Variants in PLEKHF1 observed in about 807,000 individuals in gnomAD.
PLEKHF1 encodes the protein pleckstrin homology domain-containing family F member 1.
PLEKHF1 carries 1 observed loss-of-function variant against 4.1 expected under a neutral mutation model. The ratio of observed to expected loss-of-function variants is 0.24; its 90% CI spans 0.09 to 1.15. The LOEUF is 1.15. Among genes scored for constraint, PLEKHF1 ranks in the 50% most tolerant of loss-of-function variants. The pLI, the probability that PLEKHF1 is intolerant of heterozygous loss-of-function variation, is 0.52. For missense variants in PLEKHF1, 429 were observed against 400.6 expected, an observed-to-expected ratio of 1.07 and a Z score of -0.60; for synonymous variants, 182 against 178.5, an observed-to-expected ratio of 1.02 and a Z score of -0.16.
intron 1 of PLEKHF1, chr19:29,666,825 G>A (rs1317166209): frequency 2.0e-5 from 3 of 152,274 alleles, no homozygotes; most frequent in Non-Finnish European, 4.4e-5. Flanking sequence ...TGAGCTCTAA[G>A]TGCTCAGTCG....
intron 1 of PLEKHF1, chr19:29,665,832 C>T (rs928913026): frequency 2.9e-5 from 30 of 1,030,078 alleles, no homozygotes; most frequent in Non-Finnish European, 3.2e-5. Flanking sequence ...CTGCAGGGGT[C>T]TCAGCGCACC....
At chr19:29,670,730 C>T (rs550320990) in intron 1 of PLEKHF1, among the ~76,000 whole-genome samples, 70 of 151,690 alleles carry the variant, frequency 4.6e-4, no homozygotes, top group African/African-American at 1.7e-3. Flanking sequence ...CAGGCTGGAG[C>T]ACAGTGGCGC....
chr19:29,674,815 T>G lies in PLEKHF1; in HGVS notation c.*136T>G. On this transcript the variant is annotated 3_prime_UTR_variant, in exon 2 of 2. Coordinates refer to ENST00000436066, the MANE Select transcript of PLEKHF1 (RefSeq NM_024310.5). ...TGCAGCGGTGGGGAGTGGCTCTTTC[T>G]GGACTCCCAGTGCCTTTTTGCTGGA... 1 of 1,315,902 alleles carries G rather than the reference T, an allele frequency of 7.6e-7. No individual in the cohort carries two copies. The highest frequency in any genetic ancestry group is 1.0e-6 in the Non-Finnish European group (1 of 980,532). 81.5% of individuals were successfully genotyped at this position (1,315,902 alleles called of 1,614,324 possible). A position where few individuals can be genotyped will look rare whatever the true frequency, so the allele number is the denominator to read the frequency against.
rs1337501790 is a variant in PLEKHF1 at position 29,674,126 on chromosome 19, C to T, written c.287C>T (p.Ala96Val). 2.5e-6 allele frequency: 4 copies of T among 1,613,914 alleles called. No individual in the cohort carries two copies. The Middle Eastern group carries it at 4.9e-4, about 200-fold the overall frequency. Reference sequence around the variant, plus strand: ...GAGCTGTTGCCGGAGACGCTGCAGGCCAAGAACCGCTGGATGATCAAGACG... The same window carrying T: ...GAGCTGTTGCCGGAGACGCTGCAGGTCAAGAACCGCTGGATGATCAAGACG... ...TLELLPETLQAKNRWMIKTAK... is the reference protein window; with the variant it reads ...TLELLPETLQVKNRWMIKTAK... The change falls in exon 2 of 2, where the codon GCC (alanine) becomes GTC (valine). Residue 96 changes from alanine (A) to valine (V), a missense_variant. By Grantham distance (64) the Ala-to-Val change is moderately conservative (BLOSUM62 0). Coordinates refer to ENST00000436066, the MANE Select transcript of PLEKHF1 (RefSeq NM_024310.5).
chr19:29,673,954 G>A lies in PLEKHF1; in HGVS notation c.115G>A (p.Glu39Lys). The A allele has an allele frequency of 1.9e-6, 3 of 1,613,860 alleles. No individual in the cohort carries two copies. The highest frequency in any genetic ancestry group is 2.5e-6 in the Non-Finnish European group (3 of 1,179,952). ...LALPGRVLLG[E>K]GVLTKECRKK... ...GCTGCCAGGCCGAGTGCTGCTGGGC[G>A]AGGGCGTGCTGACCAAAGAGTGCCG... The change falls in exon 2 of 2, where the codon GAG becomes AAG. Residue 39 changes from glutamate to lysine, a missense_variant. Glu to Lys is a moderately conservative substitution (Grantham distance 56). Coordinates refer to ENST00000436066, the MANE Select transcript of PLEKHF1 (RefSeq NM_024310.5).
intron 1 of PLEKHF1, among the ~76,000 whole-genome samples, chr19:29,669,613 C>T (rs1459174837): frequency 6.6e-6 from 1 of 152,242 alleles, no homozygotes; most frequent in Non-Finnish European, 1.5e-5. Context: ...AATCCAGACA[C>T]TGGCCTGTAA....
chr19:29,670,620 T>C (rs1156249410), intron 1 of PLEKHF1, among the ~76,000 whole-genome samples: 1 of 152,216 alleles, frequency 6.6e-6, no homozygotes, highest in Non-Finnish European at 1.5e-5. Flanking sequence ...AGTCCCTGCT[T>C]TCAGTCTGGA....
chr19:29,671,869 C>T lies in PLEKHF1; in HGVS notation c.-16-1955C>T, dbSNP rs1375931777. ...GTGATCAGCTCAGCCCCAGGCGTGCCGTGTGTACCGGAATGCATGTGTGCA... is the reference window on the plus strand; with the variant it reads ...GTGATCAGCTCAGCCCCAGGCGTGCTGTGTGTACCGGAATGCATGTGTGCA... On this transcript the variant is annotated intron_variant, in intron 1 of 1. Transcript: ENST00000436066. The surrounding 1 kb of genome is among the most constrained non-coding windows in gnomAD (Gnocchi z 4.0). Among the ~76,000 whole-genome samples, 3 of 152,016 alleles carry T rather than the reference C, an allele frequency of 2.0e-5. No individual in the cohort carries two copies. Among genetic ancestry groups the T allele is most frequent in the Admixed American group, 2.0e-4 (3 of 15,236 alleles).
At chr19:29,672,069 T>A (rs980864972) in intron 1 of PLEKHF1, among the ~76,000 whole-genome samples, 5 of 152,030 alleles carry the variant, frequency 3.3e-5, no homozygotes, top group Admixed American at 6.6e-5. Context: ...GAAGCTCCTG[T>A]TCTCATGGAG....
rs1234894859 is a variant in PLEKHF1, at chr19:29,671,106, T to TG, written c.-16-2718_-16-2717insG. Among the ~76,000 whole-genome samples the TG allele has an allele frequency of 6.8e-6, 1 of 147,852 alleles. No homozygotes were observed. Among genetic ancestry groups the TG allele is most frequent in the Admixed American group, 6.8e-5 (1 of 14,784 alleles). ...TTTTGTTTTGTTTTTTTCCCCTCCT[T>TG]TTTTTTTTTTTGAGATGGAATCTCA... is the stretch of plus-strand genomic sequence containing the variant. On this transcript the variant is annotated intron_variant, in intron 1 of 1. Transcript: ENST00000436066. The surrounding 1 kb of genome is among the most constrained non-coding windows in gnomAD (Gnocchi z 4.0).
chr19:29,674,082 C>T lies in PLEKHF1; in HGVS notation c.243C>T (p.Pro81=), dbSNP rs530783205. The change falls in exon 2 of 2, where the codon CCC becomes CCT. Residue 81 remains proline (P), a synonymous_variant. Coordinates refer to ENST00000436066, the MANE Select transcript of PLEKHF1 (RefSeq NM_024310.5). ...AGTACCGCAGCCAGCACATCATCCC[C>T]CTGGAGGAGGTCACACTGGAGCTGT... ...KRKYRSQHII[P]LEEVTLELLP... 1.5e-5 allele frequency: 25 copies of T among 1,614,084 alleles called. 1 individual carries two copies. In the Admixed American group the frequency reaches 2.7e-4, roughly 17 times the overall value.
At chr19:29,668,472 C>T (rs904994219) in intron 1 of PLEKHF1, among the ~76,000 whole-genome samples, 5 of 151,622 alleles carry the variant, frequency 3.3e-5, no homozygotes, top group Non-Finnish European at 7.4e-5. Context: ...GCTATCCCAG[C>T]ACTTTGGGAG....
chr19:29,665,732 G>C, intron 1 of PLEKHF1: 2 of 1,088,930 alleles, frequency 1.8e-6, no homozygotes, highest in Non-Finnish European at 2.3e-6. Context: ...TGGGGAGAGC[G>C]GTCAGGGGTC....
chr19:29,673,731 G>A, intron 1 of PLEKHF1, 93 bp from the exon 2 acceptor site: 3 of 1,503,218 alleles, frequency 2.0e-6, no homozygotes, highest in East Asian at 4.5e-5. Flanking sequence ...GGGCTGCCTG[G>A]CATGGTGGGT....
chr19:29,669,601 C>G (rs1482663795), intron 1 of PLEKHF1, among the ~76,000 whole-genome samples: 2 of 152,218 alleles, frequency 1.3e-5, no homozygotes, highest in Non-Finnish European at 1.5e-5. Flanking sequence ...AGCCCAGGAC[C>G]CAATCCAGAC....
chr19:29,673,963 C>A lies in PLEKHF1; in HGVS notation c.124C>A (p.Leu42Met), dbSNP rs1196435841. The change falls in exon 2 of 2, where the codon CTG becomes ATG. Residue 42 changes from leucine (L) to methionine (M), a missense_variant. Leu to Met is a conservative substitution (Grantham distance 15). Transcript: ENST00000436066. ...PGRVLLGEGV[L>M]TKECRKKAKP... is the part of the protein sequence containing the mutation. ...CCGAGTGCTGCTGGGCGAGGGCGTG[C>A]TGACCAAAGAGTGCCGCAAGAAGGC... is the stretch of plus-strand genomic sequence containing the variant. The A allele has an allele frequency of 1.9e-6, 3 of 1,613,902 alleles. No homozygotes were observed. The highest frequency in any genetic ancestry group is 1.7e-5 in the Admixed American group (1 of 60,028).
At chr19:29,670,379 T>C (rs1971617149) in intron 1 of PLEKHF1, among the ~76,000 whole-genome samples, 1 of 152,236 alleles carries the variant, frequency 6.6e-6, no homozygotes, top group African/African-American at 2.4e-5. Flanking sequence ...TATTACAGTA[T>C]TTGTCCTTTT....
At position 29,674,634 on chromosome 19, in the gene PLEKHF1, G is replaced by A. The variant is rs1249356285; in HGVS notation, c.795G>A (p.Val265=). 4 of 1,610,248 alleles carry A rather than the reference G, an allele frequency of 2.5e-6. 1 individual carries two copies. Among genetic ancestry groups the A allele is most frequent in the South Asian group, 2.2e-5 (2 of 90,606 alleles). ...GGGACGGCGACTGGCCCAGCAGCGT[G>A]GAGTTCTACGCCTCGGGGGTGGCCT... is the stretch of plus-strand genomic sequence containing the variant. ...GSRDGDWPSS[V]EFYASGVAWS... The change falls in exon 2 of 2, where the codon GTG becomes GTA. Residue 265 remains valine (V), a synonymous_variant. Coordinates refer to ENST00000436066, the MANE Select transcript of PLEKHF1 (RefSeq NM_024310.5).
At chr19:29,668,675 G>A (rs1303063900) in intron 1 of PLEKHF1, among the ~76,000 whole-genome samples, 2 of 151,310 alleles carry the variant, frequency 1.3e-5, no homozygotes, top group East Asian at 1.9e-4. Context: ...AGCCCTGATT[G>A]TGCCACTGTA....
Sources: allele counts gnomAD v4.1 joint callset (sites outside exome capture counted in the v4.1 genomes callset), GRCh38; gene constraint gnomAD v4.1.1; non-coding constraint Gnocchi (gnomAD v3.1); transcripts MANE v1.5; gene names NCBI Gene and HGNC (gene_info 2026-07-23, HGNC 2026-07-21).